PCMTD1: variants seen among roughly 807,000 people sequenced by gnomAD.
The protein encoded by PCMTD1 is protein-L-isoaspartate O-methyltransferase domain-containing protein 1.
In PCMTD1, 12 loss-of-function variants were observed where a neutral mutation model predicts 37.6. That is an observed-to-expected ratio of 0.32 (90% CI 0.20 to 0.52). The LOEUF (loss-of-function observed/expected upper bound fraction) is 0.52, where lower values mean the gene tolerates loss of function less well. Ranked by LOEUF, PCMTD1 falls within the 20% of genes least tolerant of loss-of-function variation. The pLI is 0.97. For missense variants in PCMTD1, 235 were observed against 421.3 expected, an observed-to-expected ratio of 0.56 and a Z score of 3.87; for synonymous variants, 117 against 135.8, an observed-to-expected ratio of 0.86 and a Z score of 0.96.
chr8:51,818,525 A>ATTTT lies in PCMTD1; in HGVS notation c.*1825_*1826insAAAA, dbSNP rs1270052246. On this transcript the variant is annotated 3_prime_UTR_variant, in exon 6 of 6. Transcript: ENST00000522514. The stretch of plus-strand genomic sequence containing the variant: ...GGTAACTAGGTACTTCAAAAGCCAC[A>ATTTT]TTTAATTCAAAATAAAATGAGCATT... 1 of 152,502 alleles carries ATTTT rather than the reference A, an allele frequency of 6.6e-6. No homozygotes were observed. Among genetic ancestry groups the ATTTT allele is most frequent in the Non-Finnish European group, 1.5e-5 (1 of 68,224 alleles). 9.4% of individuals were successfully genotyped at this position (152,502 alleles called of 1,614,324 possible).
At position 51,820,215 on chromosome 8, in the gene PCMTD1, T is replaced by C. The variant is rs533746431; in HGVS notation, c.*136A>G. 202 of 641,922 alleles carry C rather than the reference T, an allele frequency of 3.1e-4. No individual in the cohort carries two copies. Among genetic ancestry groups the C allele is most frequent in the Non-Finnish European group, 5.8e-5 (26 of 446,340 alleles). The allele number at this position is 641,922 out of a possible 1,614,324, so 39.8% of individuals were successfully genotyped here. A position where few individuals can be genotyped will look rare whatever the true frequency, so the allele number is the denominator to read the frequency against. ...TCACTGAATACATCATTTGTGTTAC[T>C]GACAGAAACAAGTGATTTTTTTTCC... On this transcript the variant is annotated 3_prime_UTR_variant, in exon 6 of 6. Coordinates refer to ENST00000522514, the MANE Select transcript of PCMTD1 (RefSeq NM_052937.4).
At chr8:51,821,427 C>T (rs2037846916) in intron 5 of PCMTD1, among the ~76,000 whole-genome samples, 1 of 152,226 alleles carries the variant, frequency 6.6e-6, no homozygotes, top group Non-Finnish European at 1.5e-5. Flanking sequence ...AGGTGTAAAC[C>T]ATCATGCCCG....
At chr8:51,839,973 A>G (rs1263418793) in intron 3 of PCMTD1, among the ~76,000 whole-genome samples, 2 of 152,194 alleles carry the variant, frequency 1.3e-5, no homozygotes, top group Non-Finnish European at 2.9e-5. Flanking sequence ...GAAATGTTAA[A>G]CTCTTGATCT....
chr8:51,830,997 CA>C (rs34381443), intron 5 of PCMTD1, among the ~76,000 whole-genome samples: 94 of 147,128 alleles, frequency 6.4e-4, no homozygotes, highest in African/African-American at 2.1e-3. Context: ...TTTATTTTAC[CA>C]AAAAAAAAAA....
intron 2 of PCMTD1, among the ~76,000 whole-genome samples, chr8:51,852,421 A>G (rs2038321580): frequency 6.6e-6 from 1 of 152,246 alleles, no homozygotes; most frequent in African/African-American, 2.4e-5. Context: ...GGAATGATGC[A>G]TACCACAGAA....
intron 1 of PCMTD1, among the ~76,000 whole-genome samples, chr8:51,882,953 C>G (rs2038812888): frequency 6.9e-6 from 1 of 145,290 alleles, no homozygotes; most frequent in Non-Finnish European, 1.5e-5. Context: ...CGGTGAAACT[C>G]CGTCTTTACT....
At chr8:51,871,095 A>T (rs997841172) in intron 1 of PCMTD1, among the ~76,000 whole-genome samples, 5 of 152,188 alleles carry the variant, frequency 3.3e-5, no homozygotes, top group Non-Finnish European at 5.9e-5. Context: ...GGCACATTCT[A>T]AACTTTCATT....
Position 51,819,292 on chromosome 8 carries a change from G to C in PCMTD1, c.*1059C>G, listed in dbSNP as rs1362768803. ...AAGGGTATCTACATACAATTTCTGT[G>C]AATATTTCTTATACTAGATAGATCA... On this transcript the variant is annotated 3_prime_UTR_variant, in exon 6 of 6. Transcript: ENST00000522514. The C allele has an allele frequency of 1.3e-5, 2 of 151,896 alleles. No homozygotes were observed. Among genetic ancestry groups the C allele is most frequent in the Admixed American group, 6.6e-5 (1 of 15,234 alleles). The allele number at this position is 151,896 out of a possible 1,614,324, so 9.4% of individuals were successfully genotyped here.
At chr8:51,890,522 T>G (rs1203500686) in intron 1 of PCMTD1, among the ~76,000 whole-genome samples, 1 of 152,238 alleles carries the variant, frequency 6.6e-6, no homozygotes, top group Middle Eastern at 3.2e-3. Context: ...AAACAAAGAC[T>G]GTTTTGCATT....
intron 1 of PCMTD1, among the ~76,000 whole-genome samples, chr8:51,884,779 A>G (rs1456618736): frequency 6.6e-6 from 1 of 152,188 alleles, no homozygotes; most frequent in Non-Finnish European, 1.5e-5. Context: ...ACATCTTTCT[A>G]TGGTATCCTA....
chr8:51,866,691 G>A (rs1456270187), intron 1 of PCMTD1, among the ~76,000 whole-genome samples: 5 of 151,866 alleles, frequency 3.3e-5, no homozygotes, highest in African/African-American at 1.2e-4. Flanking sequence ...AGAAAACATA[G>A]GGGAAATGCT....
chr8:51,858,697 G>A (rs946265792), intron 2 of PCMTD1, among the ~76,000 whole-genome samples: 1 of 152,124 alleles, frequency 6.6e-6, no homozygotes, highest in Non-Finnish European at 1.5e-5. Flanking sequence ...TCTCACCAAA[G>A]GAATATTCCT....
intron 1 of PCMTD1, among the ~76,000 whole-genome samples, chr8:51,866,841 A>G (rs2038562245): frequency 1.3e-5 from 2 of 152,050 alleles, no homozygotes; most frequent in African/African-American, 4.8e-5. Flanking sequence ...TACAAGCAGT[A>G]AAGTGAAGTG....
chr8:51,878,690 A>G (rs554362306), intron 1 of PCMTD1, among the ~76,000 whole-genome samples: 7 of 152,354 alleles, frequency 4.6e-5, no homozygotes, highest in Admixed American at 1.3e-4. Context: ...TGAAGGCTGC[A>G]GCAAGCTGTG....
At chr8:51,887,675 T>C (rs1406397080) in intron 1 of PCMTD1, among the ~76,000 whole-genome samples, 2 of 147,722 alleles carry the variant, frequency 1.4e-5, no homozygotes, top group Non-Finnish European at 3.0e-5. Flanking sequence ...TTAAAATAAA[T>C]TAAAAAAAAA....
chr8:51,847,644 T>A (rs913772589), intron 2 of PCMTD1, among the ~76,000 whole-genome samples: 9 of 151,422 alleles, frequency 5.9e-5, no homozygotes, highest in Non-Finnish European at 1.0e-4. Context: ...GAAAAAAAAA[T>A]GAAATAAAAC....
intron 3 of PCMTD1, among the ~76,000 whole-genome samples, chr8:51,843,902 C>T (rs1027115131): frequency 6.6e-6 from 1 of 152,110 alleles, no homozygotes; most frequent in African/African-American, 2.4e-5. Flanking sequence ...TAATAACTAA[C>T]ATATAACAGA....
intron 4 of PCMTD1, among the ~76,000 whole-genome samples, 189 bp downstream of exon 4, chr8:51,833,329 C>A (rs764891856): frequency 6.6e-6 from 1 of 152,128 alleles, no homozygotes; most frequent in African/African-American, 2.4e-5. Flanking sequence ...GTAGAGAGAT[C>A]TTTTCTCTAT....
At position 51,868,798 on chromosome 8, in the gene PCMTD1, C is replaced by T. The variant is rs557402700; in HGVS notation, c.-95-7552G>A. Among the ~76,000 whole-genome samples the T allele has an allele frequency of 5.9e-5, 9 of 152,224 alleles. 1 individual carries two copies. In the South Asian group the frequency reaches 1.9e-3, roughly 32 times the overall value. ...AATTATAAATTACCTTTTTATTATA[C>T]TCACTGATTTGATGATAATGTGCCT... On this transcript the variant is annotated intron_variant, in intron 1 of 5. Coordinates refer to ENST00000522514, the MANE Select transcript of PCMTD1 (RefSeq NM_052937.4).
Sources: allele counts gnomAD v4.1 joint callset (sites outside exome capture counted in the v4.1 genomes callset), GRCh38; gene constraint gnomAD v4.1.1; transcripts MANE v1.5; gene names NCBI Gene and HGNC (gene_info 2026-07-23, HGNC 2026-07-21).